The following WSB1 variants were observed in gnomAD, a reference collection of about 807,000 sequenced individuals.
The protein encoded by WSB1 is WD repeat and SOCS box containing 1, also known as WD repeat and SOCS box-containing protein 1.
In WSB1, 23 loss-of-function variants were observed where a neutral mutation model predicts 50.2. The observed-to-expected ratio is 0.46, with a 90% CI of 0.33 to 0.65. The LOEUF (loss-of-function observed/expected upper bound fraction) is 0.65. Ranked by LOEUF, WSB1 falls within the 30% of genes least tolerant of loss-of-function variation. The pLI, the probability that WSB1 is intolerant of heterozygous loss-of-function variation, is 0.02. For synonymous variants in WSB1, 179 were observed against 172.0 expected (o/e 1.04, Z -0.32); for missense variants, 492 against 522.3 (o/e 0.94, Z 0.56).
chr17:27,302,748 T>A (rs1029706295), intron 2 of WSB1: 3 of 152,346 alleles, frequency 2.0e-5, no homozygotes, highest in African/African-American at 7.2e-5. Context: ...GTTGTTGTTT[T>A]TGTTTTTAAT....
At chr17:27,301,117 G>T (rs776959626) in intron 1 of WSB1, among the ~76,000 whole-genome samples, 24 of 152,162 alleles carry the variant, frequency 1.6e-4, no homozygotes, top group Admixed American at 4.6e-4. Flanking sequence ...CAAGTGATCC[G>T]CTTGTCTTGG....
Position 27,313,305 on chromosome 17 carries a change from A to G in WSB1, c.*936A>G. ...TAAACACTGCTGCTGCCTTAATTTT[A>G]GAAAGCAGCTTACTAGTTTACCCTT... On this transcript the variant is annotated 3_prime_UTR_variant, in exon 9 of 9. Transcript: ENST00000262394. 1 of 151,078 alleles carries G rather than the reference A, an allele frequency of 6.6e-6. No homozygotes were observed. The allele number at this position is 151,078 out of a possible 1,614,324, so 9.4% of individuals were successfully genotyped here. A position where few individuals can be genotyped will look rare whatever the true frequency, so the allele number is the denominator to read the frequency against.
In WSB1 at chr17:27,294,248, G is replaced by A. The variant is rs567533994; in HGVS notation, c.-148G>A. On this transcript the variant is annotated 5_prime_UTR_variant, in exon 1 of 9. Transcript: ENST00000262394. ...TTCGGGAGCTTTCCCGAGGCAGTTA[G>A]CAGAAGCCGCAGCGGCCGCCCCCGC... 1.8e-6 allele frequency: 2 copies of A among 1,082,702 alleles called. No individual in the cohort carries two copies. The highest frequency in any genetic ancestry group is 2.5e-5 in the East Asian group (1 of 39,628). 67.1% of individuals were successfully genotyped at this position (1,082,702 alleles called of 1,614,324 possible). A position where few individuals can be genotyped will look rare whatever the true frequency, so the allele number is the denominator to read the frequency against.
intron 1 of WSB1, among the ~76,000 whole-genome samples, chr17:27,298,737 G>A (rs1431475247): frequency 6.6e-6 from 1 of 152,008 alleles, no homozygotes; most frequent in Non-Finnish European, 1.5e-5. Flanking sequence ...GGTGGTGCAC[G>A]CCTGTAATCC....
At chr17:27,308,952 A>T in intron 5 of WSB1, 148 bp from the exon 6 acceptor site, 1 of 1,286,598 alleles carries the variant, frequency 7.8e-7, no homozygotes, top group African/African-American at 1.5e-5. Context: ...TTTTAATCTG[A>T]CTATGACACT....
chr17:27,296,090 C>T lies in WSB1; in HGVS notation c.40+1655C>T, dbSNP rs571126054. Among the ~76,000 whole-genome samples the T allele has an allele frequency of 2.6e-5, 4 of 152,294 alleles. No homozygotes were observed. The East Asian group carries it at 5.8e-4, about 22-fold the overall frequency. The stretch of plus-strand genomic sequence containing the variant: ...CTCAGGTGATCGCCCACCTCTGCCT[C>T]CCAAAGTGCTAGGATTACGGGCGTG... On this transcript the variant is annotated intron_variant, in intron 1 of 8. Transcript: ENST00000262394.
Position 27,314,600 on chromosome 17 carries a change from T to G in WSB1, c.*2231T>G, listed in dbSNP as rs1030318736. ...AAATAAGATACCATTACTTTTCATA[T>G]CATTGCATTATTTTTGCTTTCCACA... On this transcript the variant is annotated 3_prime_UTR_variant, in exon 9 of 9. Transcript: ENST00000262394. 24 of 152,180 alleles carry G rather than the reference T, an allele frequency of 1.6e-4. No individual in the cohort carries two copies. Among genetic ancestry groups the G allele is most frequent in the African/African-American group, 5.3e-4 (22 of 41,444 alleles). 9.4% of individuals were successfully genotyped at this position (152,180 alleles called of 1,614,324 possible).
chr17:27,314,939 T>G lies in WSB1; in HGVS notation c.*2570T>G, dbSNP rs1418142876. The G allele has an allele frequency of 6.6e-6, 1 of 152,220 alleles. No individual in the cohort carries two copies. Among genetic ancestry groups the G allele is most frequent in the East Asian group, 1.9e-4 (1 of 5,188 alleles). The allele number at this position is 152,220 out of a possible 1,614,324, so 9.4% of individuals were successfully genotyped here. ...CCTCGGCCTCCCAGAGTGCTGGGAT[T>G]ATAGGTGTGAGCCACCGAACCTGGC... On this transcript the variant is annotated 3_prime_UTR_variant, in exon 9 of 9. Coordinates refer to ENST00000262394, the MANE Select transcript of WSB1 (RefSeq NM_015626.10).
chr17:27,311,631 CTCTTTTT>C lies in WSB1; in HGVS notation c.1106+17_1106+23del. 3.7e-6 allele frequency: 2 copies of C among 537,240 alleles called. No homozygotes were observed. The highest frequency in any genetic ancestry group is 8.4e-5 in the East Asian group (2 of 23,828). 33.3% of individuals were successfully genotyped at this position (537,240 alleles called of 1,614,324 possible). On this transcript the variant is annotated intron_variant, in intron 8 of 8. Coordinates refer to ENST00000262394, the MANE Select transcript of WSB1 (RefSeq NM_015626.10). ...TTAGCTGCTGGGTAAATATATTTTT[CTCTTTTT>C]TTTTTTTTTTTTTTTTTTTTTGAGA...
chr17:27,311,512 G>C lies in WSB1; in HGVS notation c.1002G>C (p.Met334Ile). The C allele has an allele frequency of 1.3e-6, 2 of 1,588,220 alleles. No homozygotes were observed. The highest frequency in any genetic ancestry group is 1.2e-5 in the South Asian group (1 of 85,290). Reference sequence around the variant, plus strand: ...AAATAATTTATTTCATTTTCAGAATGGTGAGGTTCTGGAGAATTGATGAGG... The same window carrying C: ...AAATAATTTATTTCATTTTCAGAATCGTGAGGTTCTGGAGAATTGATGAGG... ...LHVASLADDK[M>I]VRFWRIDEDY... The change falls in exon 8 of 9, where the codon ATG (methionine) becomes ATC (isoleucine). Residue 334 changes from methionine (M) to isoleucine (I), a missense_variant. Transcript: ENST00000262394.
intron 5 of WSB1, chr17:27,307,912 G>A (rs1316447758): frequency 1.5e-6 from 2 of 1,299,226 alleles, no homozygotes; most frequent in Non-Finnish European, 2.0e-6. Flanking sequence ...TGTACTGTAC[G>A]TACACAGGTG....
intron 1 of WSB1, among the ~76,000 whole-genome samples, chr17:27,296,855 AT>A (rs2017001804): frequency 6.6e-6 from 1 of 152,112 alleles, no homozygotes; most frequent in African/African-American, 2.4e-5. Context: ...TAACTTAAAA[AT>A]TTTTTTTCAA....
intron 5 of WSB1, chr17:27,308,731 G>GA (rs1399083165): frequency 2.4e-5 from 24 of 986,022 alleles, no homozygotes; most frequent in Middle Eastern, 5.2e-4. Context: ...GTAGTTTCTG[G>GA]AAAAAAAAGA....
Position 27,310,146 on chromosome 17 carries a change from C to CCA in WSB1, c.970_971insCA (p.Leu324ProfsTer13). 1 of 1,614,044 alleles carries CCA rather than the reference C, an allele frequency of 6.2e-7. No individual in the cohort carries two copies. Among genetic ancestry groups the CCA allele is most frequent in the Non-Finnish European group, 8.5e-7 (1 of 1,179,928 alleles). On this transcript the variant is annotated frameshift_variant, in exon 7 of 9. Transcript: ENST00000262394. LOFTEE classifies it high-confidence loss of function. ...ATCTGTATCTTTTAGCCATGATGGA[C>CCA]TGCATGTTGCAAGCCTTGCTGATGA... is the stretch of plus-strand genomic sequence containing the variant.
rs1238462147 is a variant in WSB1, at chr17:27,312,540, A to G, written c.*171A>G. 6 of 829,498 alleles carry G rather than the reference A, an allele frequency of 7.2e-6. No homozygotes were observed. The highest frequency in any genetic ancestry group is 3.4e-5 in the Admixed American group (1 of 29,220). The allele number at this position is 829,498 out of a possible 1,614,324, so 51.4% of individuals were successfully genotyped here. A position where few individuals can be genotyped will look rare whatever the true frequency, so the allele number is the denominator to read the frequency against. On this transcript the variant is annotated 3_prime_UTR_variant, in exon 9 of 9. Transcript: ENST00000262394. ...GCTTTTAAAATATTATTTATAGACAATAGAAGTATTTCTGAACATATCAAA... is the reference window on the plus strand; with the variant it reads ...GCTTTTAAAATATTATTTATAGACAGTAGAAGTATTTCTGAACATATCAAA...
rs1189937960 is a variant in WSB1 at position 27,313,559 on chromosome 17, T to A, written c.*1190T>A. ...ATCTTACCTGCAGATATTAAGAATG[T>A]ATGCATTATGTAAAATGCTCAATTA... On this transcript the variant is annotated 3_prime_UTR_variant, in exon 9 of 9. Transcript: ENST00000262394. 6.6e-6 allele frequency: 1 copy of A among 152,526 alleles called. No homozygotes were observed. The highest frequency in any genetic ancestry group is 1.5e-5 in the Non-Finnish European group (1 of 68,034). 9.4% of individuals were successfully genotyped at this position (152,526 alleles called of 1,614,324 possible). A position where few individuals can be genotyped will look rare whatever the true frequency, so the allele number is the denominator to read the frequency against.
chr17:27,294,264 C>G lies in WSB1; in HGVS notation c.-132C>G. On this transcript the variant is annotated 5_prime_UTR_variant, in exon 1 of 9. Coordinates refer to ENST00000262394, the MANE Select transcript of WSB1 (RefSeq NM_015626.10). ...AGGCAGTTAGCAGAAGCCGCAGCGG[C>G]CGCCCCCGCCCGTCTCCTCTGTCCC... The G allele has an allele frequency of 7.8e-7, 1 of 1,274,428 alleles. No homozygotes were observed. The highest frequency in any genetic ancestry group is 1.5e-5 in the African/African-American group (1 of 66,394). The allele number at this position is 1,274,428 out of a possible 1,614,324, so 78.9% of individuals were successfully genotyped here.
rs571525259 is a variant in WSB1 at position 27,309,210 on chromosome 17, A to T, written c.822A>T (p.Ala274=). 2.4e-4 allele frequency: 382 copies of T among 1,613,146 alleles called. No homozygotes were observed. The South Asian group carries it at 4.0e-3, about 17-fold the overall frequency. The change falls in exon 6 of 9, where the codon GCA becomes GCT. Residue 274 remains alanine, a synonymous_variant. Coordinates refer to ENST00000262394, the MANE Select transcript of WSB1 (RefSeq NM_015626.10). ...FSPDGALLAT[A]SYDTRVYIWD... ...CTGATGGAGCATTACTGGCTACTGC[A>T]TCTTATGATACTCGAGTATATATCT...
At chr17:27,295,838 TCTC>T (rs1328621077) in intron 1 of WSB1, among the ~76,000 whole-genome samples, 2 of 133,302 alleles carry the variant, frequency 1.5e-5, no homozygotes, top group Admixed American at 7.7e-5. Context: ...GTTTTCTCTC[TCTC>T]TTTTTTTTTT....
Sources: gnomAD v4.1 joint callset for allele counts (sites outside exome capture counted in the v4.1 genomes callset) on GRCh38, gnomAD v4.1.1 for gene constraint, MANE v1.5 for transcripts, NCBI Gene and HGNC (gene_info 2026-07-23, HGNC 2026-07-21) for gene names.